Variants in ARSG observed in about 807,000 individuals in gnomAD.
The protein encoded by ARSG is arylsulfatase G, also known as ASG.
In ARSG, 37 loss-of-function variants were observed where a neutral mutation model predicts 50.5. That is an observed-to-expected ratio of 0.73 (90% CI 0.56 to 0.96). ARSG has a LOEUF of 0.96. Among genes scored for constraint, ARSG ranks in the 50% least tolerant of loss-of-function variants. ARSG has a pLI of 0.00. For missense variants in ARSG, 629 were observed against 675.3 expected (o/e 0.93, Z 0.76); for synonymous variants, 225 against 254.6 (o/e 0.88, Z 1.11).
downstream of ARSG, among the ~76,000 whole-genome samples, chr17:68,425,029 T>G (rs1189844401): frequency 3.9e-5 from 6 of 152,320 alleles, no homozygotes; most frequent in African/African-American, 1.4e-4. Flanking sequence ...CAGCAGGCTC[T>G]CAGGAGGGAA....
At chr17:68,259,370 G>T (rs1305465394) in exon 1 of ARSG, 1 of 152,240 alleles carries the variant, frequency 6.6e-6, no homozygotes, top group Non-Finnish European at 1.5e-5. Flanking sequence ...TGAGAGCCAC[G>T]TGTGCCGCGC....
chr17:68,289,401 A>C (rs1444443681), upstream of ARSG, among the ~76,000 whole-genome samples: 3 of 152,168 alleles, frequency 2.0e-5, no homozygotes, highest in Admixed American at 2.0e-4. Flanking sequence ...GAGGGCATGA[A>C]AAAAATTGTA....
At chr17:68,389,815 G>A (rs2080905977) in intron 9 of ARSG, among the ~76,000 whole-genome samples, 1 of 152,058 alleles carries the variant, frequency 6.6e-6, no homozygotes, top group South Asian at 2.1e-4. Flanking sequence ...CTTCATCCTG[G>A]GATGCCTTCC....
At chr17:68,301,449 C>T (rs1285421700) in intron 1 of ARSG, among the ~76,000 whole-genome samples, 2 of 152,172 alleles carry the variant, frequency 1.3e-5, no homozygotes, top group South Asian at 2.1e-4. Context: ...CCAGGTGGTG[C>T]GAGTACAGGG....
chr17:68,398,747 C>A (rs1028697890), intron 10 of ARSG, among the ~76,000 whole-genome samples: 2 of 152,238 alleles, frequency 1.3e-5, no homozygotes, highest in African/African-American at 2.4e-5. Context: ...ACTGGATGGT[C>A]TTCTCACAAC....
In ARSG at chr17:68,367,544, G is replaced by C. The variant is rs1368422502; in HGVS notation, c.705-1004G>C. On this transcript the variant is annotated intron_variant, in intron 6 of 11. Coordinates refer to ENST00000621439, the MANE Select transcript of ARSG (RefSeq NM_001267727.2). This position sits in a 1 kb window ranked among gnomAD's most constrained non-coding sequence, Gnocchi z 4.5. ...GGGCCCCCTGAAGGTCCCTGCCACC[G>C]TTGTGATTCTGCAGCTGCTCTTGGC... 6.6e-6 allele frequency among the ~76,000 whole-genome samples: 1 copy of C among 152,176 alleles called. No individual in the cohort carries two copies. Among genetic ancestry groups the C allele is most frequent in the Non-Finnish European group, 1.5e-5 (1 of 68,036 alleles).
chr17:68,306,346 T>C (rs2076608719), intron 1 of ARSG, among the ~76,000 whole-genome samples: 2 of 152,174 alleles, frequency 1.3e-5, no homozygotes, highest in East Asian at 3.9e-4. Context: ...TGAGCCGAGA[T>C]TGTGCCATTG....
intron 2 of ARSG, among the ~76,000 whole-genome samples, chr17:68,326,644 GAC>G (rs1490747400): frequency 2.0e-5 from 3 of 152,168 alleles, no homozygotes; most frequent in African/African-American, 7.2e-5. Flanking sequence ...CAGCCTGGGT[GAC>G]AAGAGCGAAA....
At chr17:68,396,839 C>G (rs1369202410) in intron 10 of ARSG, among the ~76,000 whole-genome samples, 4 of 152,202 alleles carry the variant, frequency 2.6e-5, no homozygotes, top group Admixed American at 6.5e-5. Context: ...CCCCCTAGAG[C>G]TGCAGACCCT....
chr17:68,440,152 C>G, the ARSG span, among the ~76,000 whole-genome samples: 1 of 152,170 alleles, frequency 6.6e-6, no homozygotes, highest in Non-Finnish European at 1.5e-5. Flanking sequence ...AGTTTTGCCT[C>G]CAGGCTCGCA....
chr17:68,420,678 T>A lies in ARSG; in HGVS notation c.*215T>A. 1.7e-6 allele frequency: 1 copy of A among 599,116 alleles called. No homozygotes were observed. Among genetic ancestry groups the A allele is most frequent in the Non-Finnish European group, 2.9e-6 (1 of 346,252 alleles). The allele number at this position is 599,116 out of a possible 1,614,324, so 37.1% of individuals were successfully genotyped here. On this transcript the variant is annotated 3_prime_UTR_variant, in exon 12 of 12. Transcript: ENST00000621439. The stretch of plus-strand genomic sequence containing the variant: ...CTGGCTCTGGGCAGGGAGTGTGCCT[T>A]AATGGGAAGCACACGGGCTTTGGAG...
chr17:68,344,043 C>T (rs1440563660), intron 3 of ARSG, among the ~76,000 whole-genome samples: 2 of 152,140 alleles, frequency 1.3e-5, no homozygotes, highest in Non-Finnish European at 2.9e-5. Flanking sequence ...AAGATGCTGC[C>T]GGGAGCCAGG....
chr17:68,440,874 G>A, the ARSG span: 1 of 152,238 alleles, frequency 6.6e-6, no homozygotes, highest in Non-Finnish European at 1.5e-5. Flanking sequence ...GTTGATTAAT[G>A]TCTCAGGTTA....
intron 1 of ARSG, among the ~76,000 whole-genome samples, chr17:68,284,537 C>T (rs2075798877): frequency 6.6e-6 from 1 of 152,094 alleles, no homozygotes; most frequent in Non-Finnish European, 1.5e-5. Context: ...GTCAAAGTTA[C>T]TAAGGCAAAG....
At chr17:68,289,708 G>A (rs1485053170), upstream of ARSG, among the ~76,000 whole-genome samples, 1 of 152,158 alleles carries the variant, frequency 6.6e-6, no homozygotes, top group Non-Finnish European at 1.5e-5. Flanking sequence ...GGCTACAACC[G>A]AGTCACCATT....
intron 2 of ARSG, among the ~76,000 whole-genome samples, chr17:68,319,691 G>A (rs563277850): frequency 3.0e-4 from 45 of 152,314 alleles, no homozygotes; most frequent in African/African-American, 9.4e-4. Flanking sequence ...GAGGACGTGA[G>A]ACAACTGCTG....
chr17:68,444,375 A>G, the ARSG span: 1 of 878,286 alleles, frequency 1.1e-6, no homozygotes, highest in South Asian at 1.5e-5. Flanking sequence ...GATAAACCTC[A>G]CTAAGACTCA....
chr17:68,418,965 T>G (rs1427008751), intron 11 of ARSG, among the ~76,000 whole-genome samples: 1 of 151,742 alleles, frequency 6.6e-6, no homozygotes, highest in Non-Finnish European at 1.5e-5. Context: ...TTTATTTAAT[T>G]ATGTCATATT....
chr17:68,430,606 G>A, the ARSG span, among the ~76,000 whole-genome samples: 9 of 152,270 alleles, frequency 5.9e-5, no homozygotes, highest in East Asian at 1.9e-4. Flanking sequence ...GCAAACCTCC[G>A]GGCAAGACAC....
Sources: allele counts gnomAD v4.1 joint callset (sites outside exome capture counted in the v4.1 genomes callset), GRCh38; gene constraint gnomAD v4.1.1; non-coding constraint Gnocchi (gnomAD v3.1); transcripts MANE v1.5; gene names NCBI Gene and HGNC (gene_info 2026-07-23, HGNC 2026-07-21).